The following GNL3L variants were observed in gnomAD, a reference collection of about 807,000 sequenced individuals.
GNL3L encodes guanine nucleotide-binding protein-like 3-like protein.
Under a neutral mutation model 42.9 loss-of-function variants are expected in GNL3L, and 4 were observed. The observed-to-expected ratio is 0.09, with a 90% CI of 0.05 to 0.21. The LOEUF (loss-of-function observed/expected upper bound fraction) is 0.21, where lower values mean the gene tolerates loss of function less well. Ranked by LOEUF, GNL3L falls within the 10% of genes least tolerant of loss-of-function variation. The probability of loss-of-function intolerance (pLI) is 1.00; values close to 1 mark genes in which losing one functional copy is unlikely to be tolerated. For missense variants in GNL3L, 412 were observed against 481.7 expected, an observed-to-expected ratio of 0.86 and a Z score of 1.36; for synonymous variants, 159 against 176.3, an observed-to-expected ratio of 0.90 and a Z score of 0.78.
chrX:54,621,664 G>A (rs150102080), downstream of GNL3L, among the ~76,000 whole-genome samples: 1 of 111,349 alleles, frequency 9.0e-6, no homozygotes, highest in East Asian at 2.8e-4. Flanking sequence ...AAATGAGCCG[G>A]GCATGATGGC....
intron 16 of GNL3L, among the ~76,000 whole-genome samples, chrX:54,599,428 C>CT (rs1980770902): frequency 9.0e-6 from 1 of 111,211 alleles, no homozygotes; most frequent in Non-Finnish European, 1.9e-5. Flanking sequence ...AATTATCTAT[C>CT]TATCTATCTA....
At chrX:54,638,842 C>T in the GNL3L span, among the ~76,000 whole-genome samples, 2 of 112,192 alleles carry the variant, frequency 1.8e-5, no homozygotes, top group Admixed American at 9.5e-5. Context: ...CAAATCAGCA[C>T]GGCTTACACT....
chrX:54,599,286 T>C (rs1280328226), intron 16 of GNL3L, among the ~76,000 whole-genome samples: 2 of 111,894 alleles, frequency 1.8e-5, no homozygotes, highest in African/African-American at 6.5e-5. Flanking sequence ...GTGAAGAAGA[T>C]ATAGTTTCTC....
rs868747193 is a variant in GNL3L, at chrX:54,607,046, T to C, written c.*46-13799T>C. Among the ~76,000 whole-genome samples the C allele has an allele frequency of 1.5e-3, 107 of 71,229 alleles. 6 individuals are homozygous for C. The highest frequency in any genetic ancestry group is 8.9e-3 in the African/African-American group (100 of 11,230). The allele number at this position is 71,229 out of a possible 115,157, so 61.9% of individuals were successfully genotyped here. A position where few individuals can be genotyped will look rare whatever the true frequency, so the allele number is the denominator to read the frequency against. On this transcript the variant is annotated intron_variant, in intron 16 of 16. Transcript: ENST00000674498. ...TTTCTTTCTTTCTTTCTTTCTTTCT[T>C]TCTTTCTTTCTTTCTTTCTTTCTTT... is the stretch of plus-strand genomic sequence containing the variant.
chrX:54,548,577 C>T (rs942677289), intron 9 of GNL3L, among the ~76,000 whole-genome samples: 1 of 111,058 alleles, frequency 9.0e-6, no homozygotes, highest in African/African-American at 3.3e-5. Context: ...GGGTGCCAGG[C>T]TTGGACTTGG....
chrX:54,639,948 C>A, the GNL3L span, among the ~76,000 whole-genome samples: 1 of 109,181 alleles, frequency 9.2e-6, no homozygotes, highest in Admixed American at 9.7e-5. Context: ...TGGACTCTCT[C>A]GGAGAACGAG....
intron 16 of GNL3L, among the ~76,000 whole-genome samples, chrX:54,600,382 A>C (rs1293885777): frequency 9.3e-6 from 1 of 107,412 alleles, no homozygotes; most frequent in African/African-American, 3.4e-5. Context: ...ATGTGCCACC[A>C]TGCCCAGCTA....
At chrX:54,548,463 T>C (rs777380117) in intron 9 of GNL3L, 90 bp downstream of exon 9, 3 of 746,992 alleles carry the variant, frequency 4.0e-6, no homozygotes, top group South Asian at 4.8e-5. Context: ...TTCATTGTCT[T>C]TTGCGGGGAG....
rs1925369860 is a variant in GNL3L, at chrX:54,564,586, T to G, written c.*3984T>G. Among the ~76,000 whole-genome samples the G allele has an allele frequency of 9.4e-6, 1 of 105,995 alleles. No individual in the cohort carries two copies. The highest frequency in any genetic ancestry group is 1.9e-5 in the Non-Finnish European group (1 of 51,706). 92.0% of individuals were successfully genotyped at this position (105,995 alleles called of 115,157 possible). ...CCACGCCCAGCTAATTTTTGTATTT[T>G]TAGTAGAGATGGGGTTTCACTGTTT... On this transcript the variant is annotated 3_prime_UTR_variant, in exon 16 of 16. Transcript: ENST00000360845.
In GNL3L at chrX:54,539,050, G is replaced by T. The variant is rs1183000596; in HGVS notation, c.30G>T (p.Lys10Asn). 1 of 1,141,582 alleles carries T rather than the reference G, an allele frequency of 8.8e-7. No homozygotes were observed. The allele number at this position is 1,141,582 out of a possible 1,213,427, so 94.1% of individuals were successfully genotyped here. A position where few individuals can be genotyped will look rare whatever the true frequency, so the allele number is the denominator to read the frequency against. The change falls in exon 3 of 16, where the codon AAG (lysine) becomes AAT (asparagine). Residue 10 changes from lysine to asparagine, a missense_variant. Transcript: ENST00000360845. Reference protein sequence around the residue: MMKLRHKNKKPGEGSKGHKK... With the variant: MMKLRHKNKNPGEGSKGHKK... Reference sequence around the variant, plus strand: ...TTTTTTCTTTTGTAGAAAATAAAAAGCCAGGTGAAGGTTCCAAGGGCCACA... The same window carrying T: ...TTTTTTCTTTTGTAGAAAATAAAAATCCAGGTGAAGGTTCCAAGGGCCACA...
At chrX:54,599,540 T>C (rs1925978443) in intron 16 of GNL3L, among the ~76,000 whole-genome samples, 1 of 111,587 alleles carries the variant, frequency 9.0e-6, no homozygotes, top group Non-Finnish European at 1.9e-5. Flanking sequence ...AGTTTGACCA[T>C]GGTAAGTTTG....
At chrX:54,618,877 G>A (rs184687103) in intron 16 of GNL3L, among the ~76,000 whole-genome samples, 310 of 111,682 alleles carry the variant, frequency 2.8e-3, no homozygotes, top group Non-Finnish European at 4.3e-3. Flanking sequence ...AGCCTGGGTG[G>A]CAGAGTGAGA....
intron 16 of GNL3L, among the ~76,000 whole-genome samples, chrX:54,593,281 A>G (rs764825376): frequency 9.0e-6 from 1 of 111,580 alleles, no homozygotes; most frequent in African/African-American, 3.2e-5. Flanking sequence ...GAGACTTTTT[A>G]TCACAGCTTC....
rs1286711869 is a variant in GNL3L at position 54,566,798 on chromosome X, C to A, written c.*6196C>A. Among the ~76,000 whole-genome samples, 2 of 111,697 alleles carry A rather than the reference C, an allele frequency of 1.8e-5. No individual in the cohort carries two copies. The highest frequency in any genetic ancestry group is 6.5e-5 in the African/African-American group (2 of 30,724). Reference sequence around the variant, plus strand: ...GGAGATCTCTCCCCTTATTTTGAGACAGGATCTCACTGTCACCCAGGCTGG... The same window carrying A: ...GGAGATCTCTCCCCTTATTTTGAGAAAGGATCTCACTGTCACCCAGGCTGG... On this transcript the variant is annotated 3_prime_UTR_variant, in exon 16 of 16. Coordinates refer to ENST00000360845, the MANE Select transcript of GNL3L (RefSeq NM_001184819.2).
In GNL3L at chrX:54,595,891, C is replaced by A. The variant is rs765418898; in HGVS notation, c.*46-24954C>A. On this transcript the variant is annotated intron_variant, in intron 16 of 16. Transcript: ENST00000674498. ...TCCACTTAATTTTTCAAAACTATGT[C>A]AATCTCTTTGTTAAATTTATCTAAT... Among the ~76,000 whole-genome samples the A allele has an allele frequency of 2.7e-5, 3 of 112,220 alleles. No homozygotes were observed. The South Asian group carries it at 1.1e-3, about 41-fold the overall frequency.
intron 16 of GNL3L, among the ~76,000 whole-genome samples, chrX:54,606,451 G>C (rs771274612): frequency 3.2e-4 from 35 of 110,891 alleles, no homozygotes; most frequent in Non-Finnish European, 1.5e-4. Context: ...CTGGGAAGGG[G>C]CATGAGGGAA....
downstream of GNL3L, among the ~76,000 whole-genome samples, chrX:54,567,827 G>T (rs1438514758): frequency 9.0e-6 from 1 of 111,086 alleles, no homozygotes; most frequent in African/African-American, 3.3e-5. Flanking sequence ...ATGTTTTTAT[G>T]CATCTATTGA....
chrX:54,557,740 C>G (rs73484974), intron 14 of GNL3L, among the ~76,000 whole-genome samples: 1,154 of 110,424 alleles, frequency 0.01, 12 homozygotes, highest in African/African-American at 0.035. Context: ...AGCCTCCCAG[C>G]TAATTTTTAA....
chrX:54,556,456 T>A (rs148898172), intron 14 of GNL3L, among the ~76,000 whole-genome samples: 1 of 110,969 alleles, frequency 9.0e-6, no homozygotes, highest in Admixed American at 9.6e-5. Flanking sequence ...ATGGGAATTA[T>A]GGGGTTTACA....
Sources: allele counts gnomAD v4.1 joint callset (sites outside exome capture counted in the v4.1 genomes callset), GRCh38; gene constraint gnomAD v4.1.1; transcripts MANE v1.5; gene names NCBI Gene and HGNC (gene_info 2026-07-23, HGNC 2026-07-21).